The following GABRB1 variants were observed in gnomAD, a reference collection of about 807,000 sequenced individuals.
The protein encoded by GABRB1 is gamma-aminobutyric acid receptor subunit beta-1.
Under a neutral mutation model 51.6 loss-of-function variants are expected in GABRB1, and 17 were observed. The ratio of observed to expected loss-of-function variants is 0.33; its 90% CI spans 0.23 to 0.49. The LOEUF (loss-of-function observed/expected upper bound fraction) is 0.49, where lower values mean the gene tolerates loss of function less well. Among genes scored for constraint, GABRB1 ranks in the 20% least tolerant of loss-of-function variants. GABRB1 has a pLI of 0.99. For synonymous variants in GABRB1, 247 were observed against 218.9 expected (o/e 1.13, Z -1.14); for missense variants, 410 against 600.6 (o/e 0.68, Z 3.32).
At position 47,262,166 on chromosome 4, in the gene GABRB1, T is replaced by C. The variant is rs1392283100; in HGVS notation, c.462-57961T>C. Reference sequence around the variant, plus strand: ...TTCATGTCTAAAACACCAAAAGCAATGGCAACAAAAGCCAAAATTGACAAA... The same window carrying C: ...TTCATGTCTAAAACACCAAAAGCAACGGCAACAAAAGCCAAAATTGACAAA... On this transcript the variant is annotated intron_variant, in intron 4 of 8. Transcript: ENST00000295454. Among the ~76,000 whole-genome samples the C allele has an allele frequency of 2.6e-5, 4 of 151,552 alleles. No homozygotes were observed. In the East Asian group the frequency reaches 5.8e-4, roughly 22 times the overall value.
At chr4:47,260,212 A>G (rs1042277319) in intron 4 of GABRB1, among the ~76,000 whole-genome samples, 3 of 151,786 alleles carry the variant, frequency 2.0e-5, no homozygotes, top group Non-Finnish European at 2.9e-5. Flanking sequence ...TTTTGAGCCT[A>G]TGTGTGTCTC....
intron 4 of GABRB1, among the ~76,000 whole-genome samples, chr4:47,286,755 C>T (rs1723524367): frequency 6.6e-6 from 1 of 152,032 alleles, no homozygotes; most frequent in African/African-American, 2.4e-5. Context: ...ATGATGTGTT[C>T]AATGTAGACA....
intron 1 of GABRB1, among the ~76,000 whole-genome samples, chr4:47,007,895 A>ATATATATATATATATATATATAG (rs375965914): frequency 1.1e-4 from 2 of 17,522 alleles, no homozygotes; most frequent in Non-Finnish European, 1.7e-4. Flanking sequence ...TATATATATA[A>ATATATATATATATATATATATAG]AATCAAGTTT....
intron 4 of GABRB1, among the ~76,000 whole-genome samples, chr4:47,201,689 C>T (rs1045427277): frequency 6.6e-6 from 1 of 151,688 alleles, no homozygotes; most frequent in Non-Finnish European, 1.5e-5. Flanking sequence ...TATTCATTAC[C>T]AATATTTTTA....
rs191249148 is a variant in GABRB1 at position 47,356,617 on chromosome 4, A to G, written c.544+36408A>G. 2.0e-5 allele frequency among the ~76,000 whole-genome samples: 3 copies of G among 152,268 alleles called. No individual in the cohort carries two copies. The East Asian group carries it at 5.8e-4, about 29-fold the overall frequency. On this transcript the variant is annotated intron_variant, in intron 5 of 8. Coordinates refer to ENST00000295454, the MANE Select transcript of GABRB1 (RefSeq NM_000812.4). The stretch of plus-strand genomic sequence containing the variant: ...AAATGGCCCTTCTGCTGCCTGTGTG[A>G]TGGAGATGCTAGTTTGACATGGCAG...
intron 5 of GABRB1, among the ~76,000 whole-genome samples, chr4:47,336,578 G>T (rs1725703805): frequency 6.6e-6 from 1 of 152,166 alleles, no homozygotes; most frequent in African/African-American, 2.4e-5. Context: ...AACTAAAAGA[G>T]ATGACAGTGA....
intron 4 of GABRB1, among the ~76,000 whole-genome samples, chr4:47,174,988 C>T (rs1486704668): frequency 7.3e-6 from 1 of 137,412 alleles, no homozygotes. Flanking sequence ...TCATTCCTTC[C>T]TTCCTCCCTT....
chr4:47,131,310 C>T (rs1336761283), intron 3 of GABRB1, among the ~76,000 whole-genome samples: 2 of 152,062 alleles, frequency 1.3e-5, no homozygotes, highest in African/African-American at 2.4e-5. Context: ...AGGCACGTGC[C>T]ACCATACCTG....
At chr4:47,054,423 T>C (rs1726499352) in intron 3 of GABRB1, among the ~76,000 whole-genome samples, 1 of 152,132 alleles carries the variant, frequency 6.6e-6, no homozygotes, top group South Asian at 2.1e-4. Flanking sequence ...TTTCATGTAA[T>C]TAGGGATAAT....
chr4:47,409,430 G>A (rs1008981940), intron 8 of GABRB1, among the ~76,000 whole-genome samples: 2 of 152,118 alleles, frequency 1.3e-5, no homozygotes, highest in African/African-American at 2.4e-5. Flanking sequence ...CAGGAGTTTG[G>A]CCATCCCGCG....
At chr4:47,417,977 T>C (rs1371536416) in intron 8 of GABRB1, among the ~76,000 whole-genome samples, 1 of 152,188 alleles carries the variant, frequency 6.6e-6, no homozygotes, top group Non-Finnish European at 1.5e-5. Context: ...ATTGAGAATG[T>C]TGGGGCAGAG....
At chr4:47,417,247 C>T (rs1416916497) in intron 8 of GABRB1, among the ~76,000 whole-genome samples, 1 of 152,134 alleles carries the variant, frequency 6.6e-6, no homozygotes, top group Non-Finnish European at 1.5e-5. Flanking sequence ...GACCTAGCAA[C>T]TGGAAGCCAC....
At chr4:47,406,649 C>A (rs369153302) in intron 7 of GABRB1, 33 bp from the exon 8 acceptor site, 2 of 1,612,678 alleles carry the variant, frequency 1.2e-6, no homozygotes, top group Non-Finnish European at 1.7e-6. Context: ...AATAGTGGCA[C>A]CTTCAGCTAA....
intron 3 of GABRB1, 183 bp downstream of exon 3, chr4:47,032,667 C>T (rs900977683): frequency 1.1e-5 from 8 of 719,196 alleles, no homozygotes; most frequent in Non-Finnish European, 2.1e-5. Flanking sequence ...TCGACACACA[C>T]GGGCTACTGC....
At chr4:47,021,171 C>T (rs536733445) in intron 1 of GABRB1, among the ~76,000 whole-genome samples, 18 of 152,236 alleles carry the variant, frequency 1.2e-4, no homozygotes, top group African/African-American at 2.6e-4. Flanking sequence ...ACTATCTAAA[C>T]GTATCATATA....
intron 4 of GABRB1, among the ~76,000 whole-genome samples, chr4:47,246,651 T>C (rs1454081422): frequency 6.6e-6 from 1 of 151,710 alleles, no homozygotes; most frequent in Non-Finnish European, 1.5e-5. Context: ...ACCAGCAATG[T>C]AGAAGTGTTC....
At chr4:47,010,075 TG>T (rs1420615655) in intron 1 of GABRB1, among the ~76,000 whole-genome samples, 1 of 152,230 alleles carries the variant, frequency 6.6e-6, no homozygotes. Context: ...TGGATAAATT[TG>T]GCTGTTTTGC....
chr4:47,415,933 G>A (rs1233826758), intron 8 of GABRB1, among the ~76,000 whole-genome samples: 2 of 152,252 alleles, frequency 1.3e-5, no homozygotes, highest in Non-Finnish European at 2.9e-5. Flanking sequence ...ATGACTCAAA[G>A]TATAAGTTTC....
At position 47,032,087 on chromosome 4, in the gene GABRB1, GAA is replaced by G; in HGVS notation, c.172+85_172+86del. 6 of 600,264 alleles carry G rather than the reference GAA, an allele frequency of 1.0e-5. No individual in the cohort carries two copies. The South Asian group carries it at 1.2e-4, about 12-fold the overall frequency. 37.2% of individuals were successfully genotyped at this position (600,264 alleles called of 1,614,324 possible). On this transcript the variant is annotated intron_variant, in intron 2 of 8. Coordinates refer to ENST00000295454, the MANE Select transcript of GABRB1 (RefSeq NM_000812.4). The stretch of plus-strand genomic sequence containing the variant: ...AAGATAAATGTCAAAAAAAAAAAAA[GAA>G]AAGGCATGTCATTTTCGTAAGCGTG...
Sources: gnomAD v4.1 joint callset for allele counts (sites outside exome capture counted in the v4.1 genomes callset) on GRCh38, gnomAD v4.1.1 for gene constraint, MANE v1.5 for transcripts, NCBI Gene and HGNC (gene_info 2026-07-23, HGNC 2026-07-21) for gene names.